INO80: variants seen among roughly 807,000 people sequenced by gnomAD.
INO80 encodes the protein chromatin-remodeling ATPase INO80.
INO80 carries 20 observed loss-of-function variants against 203.4 expected under a neutral mutation model. The observed-to-expected ratio is 0.10, with a 90% CI of 0.07 to 0.14. INO80 has a LOEUF of 0.14. Among genes scored for constraint, INO80 ranks in the 10% least tolerant of loss-of-function variants. INO80 has a pLI of 1.00. For missense variants in INO80, 1,419 were observed against 1,914.4 expected, an observed-to-expected ratio of 0.74 and a Z score of 4.83; for synonymous variants, 726 against 685.2, an observed-to-expected ratio of 1.06 and a Z score of -0.93.
At chr15:40,980,507 C>T in intron 35 of INO80, 67 bp from the exon 36 acceptor site, 1 of 1,225,328 alleles carries the variant, frequency 8.2e-7, no homozygotes, top group Admixed American at 1.9e-5. Flanking sequence ...GAGCCTGTGG[C>T]CTTGGTTACC....
chr15:41,064,438 G>A (rs2045172449), intron 14 of INO80, among the ~76,000 whole-genome samples: 1 of 152,050 alleles, frequency 6.6e-6, no homozygotes, highest in East Asian at 1.9e-4. Context: ...GGAGTACAGT[G>A]GTGTGATCAT....
At chr15:41,015,987 T>C in intron 27 of INO80, 101 bp downstream of exon 27, 1 of 914,620 alleles carries the variant, frequency 1.1e-6, no homozygotes, top group Non-Finnish European at 1.6e-6. Context: ...AAAAGGGAGT[T>C]TTGGGGCTCC....
intron 24 of INO80, among the ~76,000 whole-genome samples, chr15:41,029,494 A>G (rs1404077118): frequency 6.6e-6 from 1 of 152,266 alleles, no homozygotes; most frequent in South Asian, 2.1e-4. Flanking sequence ...TTCTGACTAC[A>G]GACTACAGAA....
chr15:41,104,302 AAT>A (rs1566950904), intron 1 of INO80, among the ~76,000 whole-genome samples: 2 of 151,966 alleles, frequency 1.3e-5, no homozygotes, highest in African/African-American at 4.8e-5. Flanking sequence ...AGAACTATTC[AAT>A]ATGTTTTTGG....
Position 41,071,999 on chromosome 15 carries a change from G to C in INO80, c.1455C>G (p.Asn485Lys), listed in dbSNP as rs1173369033. 2.5e-6 allele frequency: 4 copies of C among 1,607,702 alleles called. No homozygotes were observed. The highest frequency in any genetic ancestry group is 3.4e-5 in the Admixed American group (2 of 59,334). The change falls in exon 12 of 36, where the codon AAC becomes AAG. Residue 485 changes from asparagine to lysine, a missense_variant. By Grantham distance (94) the Asn-to-Lys change is moderately conservative. Around this residue, in one of 9 missense-constraint regions of INO80, gnomAD observed 116 missense variants for 119.5 expected, o/e 0.97. Coordinates refer to ENST00000648947, the MANE Select transcript of INO80 (RefSeq NM_017553.3). Reference sequence around the variant, plus strand: ...TCTCCCCAAACCCAGTGCCAGACTTGTTTGCTGCCCGTAGGGCAGCTGCTC... The same window carrying C: ...TCTCCCCAAACCCAGTGCCAGACTTCTTTGCTGCCCGTAGGGCAGCTGCTC... Reference protein sequence around the residue: ...ESRAAALRAANKSGTGFGESY... With the variant: ...ESRAAALRAAKKSGTGFGESY...
At chr15:41,088,083 TTTTC>T (rs1275700031) in intron 5 of INO80, among the ~76,000 whole-genome samples, 1 of 145,184 alleles carries the variant, frequency 6.9e-6, no homozygotes, top group Non-Finnish European at 1.5e-5. Context: ...TCATGCTTGC[TTTTC>T]TTTTTTTTTT....
intron 24 of INO80, among the ~76,000 whole-genome samples, chr15:41,035,698 T>G (rs983346649): frequency 3.3e-5 from 5 of 150,856 alleles, no homozygotes; most frequent in Admixed American, 6.6e-5. Context: ...GGCGGGCACC[T>G]GTAGGCCCAG....
At chr15:41,025,310 G>C (rs938150660) in intron 25 of INO80, among the ~76,000 whole-genome samples, 4 of 152,194 alleles carry the variant, frequency 2.6e-5, no homozygotes, top group African/African-American at 7.2e-5. Context: ...TCTTGAGAGT[G>C]GTGGGTTATA....
chr15:41,033,747 A>AT (rs768982774), intron 24 of INO80, among the ~76,000 whole-genome samples: 6 of 152,116 alleles, frequency 3.9e-5, no homozygotes, highest in East Asian at 1.9e-4. Context: ...CAATTAAGAG[A>AT]TTTTTTAAAA....
chr15:41,060,817 CA>C (rs749518789), intron 14 of INO80, among the ~76,000 whole-genome samples: 21 of 151,988 alleles, frequency 1.4e-4, no homozygotes, highest in African/African-American at 5.1e-4. Flanking sequence ...TTACTAGTGG[CA>C]AAAAAACACA....
Position 41,045,946 on chromosome 15 carries a change from G to A in INO80, c.2736-871C>T, listed in dbSNP as rs189841775. ...TCATATTAAGGAGATAACCATTTCT[G>A]ATTACATAAATCAAAAGTAATAAAA... On this transcript the variant is annotated intron_variant, in intron 23 of 35. Coordinates refer to ENST00000648947, the MANE Select transcript of INO80 (RefSeq NM_017553.3). 2.0e-5 allele frequency among the ~76,000 whole-genome samples: 3 copies of A among 151,516 alleles called. No homozygotes were observed. In the East Asian group the frequency reaches 5.8e-4, roughly 29 times the overall value.
At chr15:41,097,324 G>A (rs1327163042) in intron 1 of INO80, among the ~76,000 whole-genome samples, 1 of 151,784 alleles carries the variant, frequency 6.6e-6, no homozygotes, top group Non-Finnish European at 1.5e-5. Flanking sequence ...GGGATTACAG[G>A]CTTGAGCCAC....
At chr15:40,995,195 C>T (rs1036717833) in intron 29 of INO80, among the ~76,000 whole-genome samples, 13 of 152,132 alleles carry the variant, frequency 8.5e-5, no homozygotes, top group African/African-American at 2.4e-4. Context: ...TTGTTGAGGC[C>T]AAAGTCTAGT....
At chr15:41,106,170 G>A (rs990501718) in intron 1 of INO80, among the ~76,000 whole-genome samples, 2 of 152,184 alleles carry the variant, frequency 1.3e-5, no homozygotes, top group African/African-American at 2.4e-5. Context: ...AATCACTTGA[G>A]CTCTGGAGTT....
chr15:41,019,027 C>T (rs2044250364), intron 26 of INO80, among the ~76,000 whole-genome samples: 2 of 152,200 alleles, frequency 1.3e-5, no homozygotes, highest in Admixed American at 1.3e-4. Context: ...CAGGTTTTTA[C>T]CATCCACGGT....
intron 11 of INO80, among the ~76,000 whole-genome samples, chr15:41,072,785 T>C (rs933102839): frequency 6.8e-6 from 1 of 146,032 alleles, no homozygotes; most frequent in Admixed American, 6.8e-5. Context: ...TGTGGTCTTT[T>C]TCTTTTTTTT....
At chr15:41,113,117 T>C (rs1363296144) in intron 1 of INO80, among the ~76,000 whole-genome samples, 1 of 152,052 alleles carries the variant, frequency 6.6e-6, no homozygotes, top group Non-Finnish European at 1.5e-5. Context: ...GGTTTTGCCA[T>C]GTTGCCCATG....
At chr15:41,052,857 C>CAAAAAAAAAAAA (rs886971015) in intron 19 of INO80, among the ~76,000 whole-genome samples, 1 of 93,564 alleles carries the variant, frequency 1.1e-5, no homozygotes, top group African/African-American at 4.0e-5. Context: ...CTGGTCGCTA[C>CAAAAAAAAAAAA]AAAAAAAAAA....
chr15:41,055,212 A>T, intron 18 of INO80, 35 bp downstream of exon 18: 2 of 1,180,286 alleles, frequency 1.7e-6, no homozygotes, highest in Non-Finnish European at 2.5e-6. Flanking sequence ...CTACACTGAT[A>T]GGTAGATAGA....
Sources: gnomAD v4.1 joint callset for allele counts (sites outside exome capture counted in the v4.1 genomes callset) on GRCh38, gnomAD v4.1.1 for gene constraint, gnomAD v4.1.1 regional missense constraint, MANE v1.5 for transcripts, NCBI Gene and HGNC (gene_info 2026-07-23, HGNC 2026-07-21) for gene names.